The following GRID2 variants were observed in gnomAD, a reference collection of about 807,000 sequenced individuals.
The protein encoded by GRID2 is glutamate ionotropic receptor delta type subunit 2.
Under a neutral mutation model 114.8 loss-of-function variants are expected in GRID2, and 33 were observed. That is an observed-to-expected ratio of 0.29 (90% CI 0.22 to 0.38). GRID2 has a LOEUF of 0.38. GRID2 is among the 10% of genes least tolerant of loss of function. The pLI is 1.00. For synonymous variants in GRID2, 505 were observed against 449.9 expected, an observed-to-expected ratio of 1.12 and a Z score of -1.55; for missense variants, 1,184 against 1,257.7, an observed-to-expected ratio of 0.94 and a Z score of 0.89.
chr4:92,918,823 G>T (rs977648470), intron 2 of GRID2, among the ~76,000 whole-genome samples: 2 of 152,056 alleles, frequency 1.3e-5, no homozygotes, highest in Non-Finnish European at 2.9e-5. Flanking sequence ...TTTTATTGTT[G>T]TGTCTGTGCC....
At chr4:93,524,781 ATG>A (rs869150662) in intron 13 of GRID2, among the ~76,000 whole-genome samples, 37,302 of 86,138 alleles carry the variant, frequency 0.43, 8,024 homozygotes, top group Middle Eastern at 0.5. Flanking sequence ...ATATGTATGT[ATG>A]TGTATATATA....
At chr4:92,836,514 C>T (rs190174297) in intron 2 of GRID2, among the ~76,000 whole-genome samples, 164 of 151,958 alleles carry the variant, frequency 1.1e-3, no homozygotes, top group Admixed American at 3.2e-3. Flanking sequence ...CCGCTTAATA[C>T]ATATTTGAAT....
chr4:92,854,414 C>G (rs1313034342), intron 2 of GRID2, among the ~76,000 whole-genome samples: 7 of 151,946 alleles, frequency 4.6e-5, no homozygotes, highest in African/African-American at 1.7e-4. Flanking sequence ...AGAAAGCCAT[C>G]AAAATATTTG....
intron 13 of GRID2, among the ~76,000 whole-genome samples, chr4:93,604,764 C>A (rs7682688): frequency 0.19 from 28,712 of 152,168 alleles, 3,180 homozygotes; most frequent in Middle Eastern, 0.32. Context: ...AGACCCTCCA[C>A]CAGCAAAAAG....
chr4:92,367,085 G>C (rs1413799089), intron 1 of GRID2, among the ~76,000 whole-genome samples: 1 of 151,912 alleles, frequency 6.6e-6, no homozygotes, highest in Non-Finnish European at 1.5e-5. Flanking sequence ...CTTAATTTGA[G>C]TTTGTCTGTT....
Position 92,881,754 on chromosome 4 carries a change from T to C in GRID2, c.245-203241T>C, listed in dbSNP as rs1158966313. 2.0e-5 allele frequency among the ~76,000 whole-genome samples: 3 copies of C among 152,300 alleles called. No homozygotes were observed. In the East Asian group the frequency reaches 5.8e-4, roughly 29 times the overall value. On this transcript the variant is annotated intron_variant, in intron 2 of 15. Transcript: ENST00000282020. ...GAAATGAATGTTGAGAAAAATATTG[T>C]CTTTCAAATAATGAGGGGAATGACA...
At chr4:92,906,987 A>G (rs1748007070) in intron 2 of GRID2, among the ~76,000 whole-genome samples, 1 of 152,156 alleles carries the variant, frequency 6.6e-6, no homozygotes, top group African/African-American at 2.4e-5. Flanking sequence ...TATGATCCCC[A>G]GGTGTTTCAT....
intron 1 of GRID2, among the ~76,000 whole-genome samples, chr4:92,480,126 C>T (rs1474005253): frequency 6.6e-6 from 1 of 151,944 alleles, no homozygotes; most frequent in Non-Finnish European, 1.5e-5. Flanking sequence ...AAAAAATACA[C>T]GTATCTTCTC....
At position 93,772,855 on chromosome 4, in the gene GRID2, T is replaced by G; in HGVS notation, c.*357T>G. 5.3e-6 allele frequency: 1 copy of G among 189,882 alleles called. No homozygotes were observed. The allele number at this position is 189,882 out of a possible 1,614,324, so 11.8% of individuals were successfully genotyped here. A position where few individuals can be genotyped will look rare whatever the true frequency, so the allele number is the denominator to read the frequency against. ...AGGATTAATTTTACATAAAGGCCTC[T>G]TCTGTAACATTTCTCTATTTTTTGA... is the stretch of plus-strand genomic sequence containing the variant. On this transcript the variant is annotated 3_prime_UTR_variant, in exon 16 of 16. Transcript: ENST00000282020.
intron 2 of GRID2, among the ~76,000 whole-genome samples, chr4:93,068,832 A>G (rs772999862): frequency 6.6e-6 from 1 of 152,154 alleles, no homozygotes; most frequent in African/African-American, 2.4e-5. Flanking sequence ...CTATAAAGAA[A>G]TACCTGATAT....
chr4:92,657,133 G>T (rs954107160), intron 2 of GRID2, among the ~76,000 whole-genome samples: 1 of 151,402 alleles, frequency 6.6e-6, no homozygotes, highest in African/African-American at 2.4e-5. Flanking sequence ...ATATATTTTG[G>T]GGAAGAAAGA....
chr4:93,022,095 G>T (rs1464823628), intron 2 of GRID2, among the ~76,000 whole-genome samples: 1 of 151,444 alleles, frequency 6.6e-6, no homozygotes, highest in Non-Finnish European at 1.5e-5. Context: ...TTGAATCTAA[G>T]ATATTTACAA....
intron 8 of GRID2, among the ~76,000 whole-genome samples, chr4:93,243,581 G>C: frequency 6.6e-6 from 1 of 152,014 alleles, no homozygotes; most frequent in East Asian, 1.9e-4. Flanking sequence ...AAACTAAACA[G>C]AGTTTTGTCT....
chr4:93,068,423 A>G (rs1267835150), intron 2 of GRID2, among the ~76,000 whole-genome samples: 1 of 152,078 alleles, frequency 6.6e-6, no homozygotes, highest in African/African-American at 2.4e-5. Context: ...ATTATGGAAA[A>G]TATCATTATG....
chr4:93,400,818 C>A (rs551450668), intron 9 of GRID2, among the ~76,000 whole-genome samples: 1 of 152,028 alleles, frequency 6.6e-6, no homozygotes, highest in South Asian at 2.1e-4. Flanking sequence ...GTCAAAGATC[C>A]TGACTTTAGA....
chr4:92,817,188 T>C (rs1214756810), intron 2 of GRID2, among the ~76,000 whole-genome samples: 3 of 152,174 alleles, frequency 2.0e-5, no homozygotes, highest in Non-Finnish European at 2.9e-5. Flanking sequence ...ATATTCACCC[T>C]TAAAATTTTC....
chr4:92,544,881 C>T (rs1248452810), intron 1 of GRID2, among the ~76,000 whole-genome samples: 2 of 152,096 alleles, frequency 1.3e-5, no homozygotes, highest in East Asian at 3.9e-4. Context: ...CTAAATCATG[C>T]CGCATTCTTA....
At chr4:93,176,333 T>C (rs1739342147) in intron 4 of GRID2, among the ~76,000 whole-genome samples, 1 of 152,164 alleles carries the variant, frequency 6.6e-6, no homozygotes, top group African/African-American at 2.4e-5. Flanking sequence ...GAGCCTAAAG[T>C]GAAACAACAT....
Position 93,320,015 on chromosome 4 carries a change from T to C in GRID2, c.1246-75592T>C, listed in dbSNP as rs111392000. ...ATAAGCTGCTAAGTGTGTGGCAATTTGTTATACAGCAATAAAAATCTAATA... is the reference window on the plus strand; with the variant it reads ...ATAAGCTGCTAAGTGTGTGGCAATTCGTTATACAGCAATAAAAATCTAATA... On this transcript the variant is annotated intron_variant, in intron 8 of 15. Coordinates refer to ENST00000282020, the MANE Select transcript of GRID2 (RefSeq NM_001510.4). Among the ~76,000 whole-genome samples the C allele has an allele frequency of 4.1e-3, 621 of 152,234 alleles. 3 individuals carry two copies. The highest frequency in any genetic ancestry group is 0.014 in the African/African-American group (594 of 41,554).
Sources: allele counts gnomAD v4.1 joint callset (sites outside exome capture counted in the v4.1 genomes callset), GRCh38; gene constraint gnomAD v4.1.1; transcripts MANE v1.5; gene names NCBI Gene and HGNC (gene_info 2026-07-23, HGNC 2026-07-21).